Variants in GEN1 observed in about 807,000 individuals in gnomAD.
GEN1 encodes GEN1 structure-specific endonuclease, also known as flap endonuclease GEN homolog 1.
In GEN1, 64 loss-of-function variants were observed where a neutral mutation model predicts 67.6. The observed-to-expected ratio is 0.95, with a 90% CI of 0.77 to 1.17. The LOEUF (loss-of-function observed/expected upper bound fraction) is 1.17, where lower values mean the gene tolerates loss of function less well. Among genes scored for constraint, GEN1 ranks in the 50% most tolerant of loss-of-function variants. The pLI, the probability that GEN1 is intolerant of heterozygous loss-of-function variation, is 0.00. For synonymous variants in GEN1, 371 were observed against 359.4 expected (o/e 1.03, Z -0.37); for missense variants, 1,058 against 1,048.3 (o/e 1.01, Z -0.13).
intron 1 of GEN1, among the ~76,000 whole-genome samples, chr2:17,757,780 A>G (rs1671497804): frequency 6.6e-6 from 1 of 152,234 alleles, no homozygotes. Flanking sequence ...TTGTCACTTA[A>G]TATTTAGCCA....
intron 1 of GEN1, 106 bp from the exon 2 acceptor site, chr2:17,759,823 A>C: frequency 2.2e-6 from 2 of 912,694 alleles, no homozygotes. Flanking sequence ...AATAAGGAAT[A>C]TCCTCTATGA....
intron 1 of GEN1, 21 bp from the exon 2 acceptor site, chr2:17,759,908 A>C: frequency 6.2e-7 from 1 of 1,602,110 alleles, no homozygotes; most frequent in East Asian, 2.2e-5. Context: ...AATATTTTGT[A>C]AAGTGTGTTT....
Position 17,781,307 on chromosome 2 carries a change from T to C in GEN1, c.2095T>C (p.Ser699Pro). ...LQPDVNLKTL[S>P]ILSVKESCIA... is the part of the protein sequence containing the mutation. ...ACCAGATGTCAACCTGAAAACTTTG[T>C]CCATACTTAGTGTAAAAGAATCTTG... Residue 699 changes from serine (S) to proline (P), a missense_variant, in exon 14 of 14, where the codon TCC (serine) becomes CCC (proline). Physicochemically the swap from Ser to Pro is moderately conservative, Grantham distance 74. Transcript: ENST00000381254. The C allele has an allele frequency of 6.2e-7, 1 of 1,613,824 alleles. No individual in the cohort carries two copies. Among genetic ancestry groups the C allele is most frequent in the Non-Finnish European group, 8.5e-7 (1 of 1,179,760 alleles).
Position 17,779,974 on chromosome 2 carries a change from T to G in GEN1, c.1265-4T>G. The G allele has an allele frequency of 6.3e-7, 1 of 1,596,568 alleles. No homozygotes were observed. The highest frequency in any genetic ancestry group is 8.6e-7 in the Non-Finnish European group (1 of 1,167,374). ...GACACTTTGCTGTATTTTTAATCTTTTAGAACATTATGCTATGGAAGATAA... is the reference window on the plus strand; with the variant it reads ...GACACTTTGCTGTATTTTTAATCTTGTAGAACATTATGCTATGGAAGATAA... On this transcript the variant is annotated splice_polypyrimidine_tract_variant and splice_region_variant and intron_variant, in intron 12 of 13. Transcript: ENST00000381254.
Position 17,764,998 on chromosome 2 carries a change from C to T in GEN1, c.450C>T (p.Gly150=). The change falls in exon 4 of 14, where the codon GGC becomes GGT. Residue 150 remains glycine (G), a synonymous_variant. Transcript: ENST00000381254. The part of the protein sequence containing the change: ...AYLNAGGHVD[G]CLTNDGDTFL... ...TCAATGCTGGTGGTCATGTCGATGG[C>T]TGCCTCACCAATGATGGAGATACTT... 6.2e-7 allele frequency: 1 copy of T among 1,614,138 alleles called. No individual in the cohort carries two copies. Among genetic ancestry groups the T allele is most frequent in the East Asian group, 2.2e-5 (1 of 44,882 alleles).
Position 17,764,686 on chromosome 2 carries a change from T to C in GEN1, c.349-211T>C, listed in dbSNP as rs546248054. ...AGAAACATAACCACAATATAATTTT[T>C]ATTAGCACACGTAAAAGTTTGGCAG... On this transcript the variant is annotated intron_variant, in intron 3 of 13. Coordinates refer to ENST00000381254, the MANE Select transcript of GEN1 (RefSeq NM_001130009.3). 5.9e-5 allele frequency among the ~76,000 whole-genome samples: 9 copies of C among 152,320 alleles called. No individual in the cohort carries two copies. In the East Asian group the frequency reaches 1.7e-3, roughly 29 times the overall value.
In GEN1 at chr2:17,780,970, C is replaced by T; in HGVS notation, c.1758C>T (p.Ser586=). The T allele has an allele frequency of 2.5e-6, 4 of 1,613,298 alleles. No homozygotes were observed. The highest frequency in any genetic ancestry group is 3.4e-6 in the Non-Finnish European group (4 of 1,179,350). The part of the protein sequence containing the change: ...NISVIADLHL[S]TIDWEGTSFS... Reference sequence around the variant, plus strand: ...CCGTGATTGCTGATCTACACTTGAGCACTATTGACTGGGAAGGTACTTCTT... The same window carrying T: ...CCGTGATTGCTGATCTACACTTGAGTACTATTGACTGGGAAGGTACTTCTT... The change falls in exon 14 of 14, where the codon AGC becomes AGT. Residue 586 remains serine (S), a synonymous_variant. Transcript: ENST00000381254.
In GEN1 at chr2:17,782,591, G is replaced by A. The variant is rs878935446; in HGVS notation, c.*652G>A. On this transcript the variant is annotated 3_prime_UTR_variant, in exon 14 of 14. Coordinates refer to ENST00000381254, the MANE Select transcript of GEN1 (RefSeq NM_001130009.3). The stretch of plus-strand genomic sequence containing the variant: ...AGTATGTTTAGTAAAAATCATGCTC[G>A]TAATGGCTGAATAAACTGAGCAAAG... 9 of 152,112 alleles carry A rather than the reference G, an allele frequency of 5.9e-5. No homozygotes were observed. Among genetic ancestry groups the A allele is most frequent in the African/African-American group, 1.7e-4 (7 of 41,402 alleles). 9.4% of individuals were successfully genotyped at this position (152,112 alleles called of 1,614,324 possible). A position where few individuals can be genotyped will look rare whatever the true frequency, so the allele number is the denominator to read the frequency against.
Position 17,774,266 on chromosome 2 carries a change from T to G in GEN1, c.1072-5T>G, listed in dbSNP as rs1254095053. The G allele has an allele frequency of 2.0e-6, 3 of 1,499,338 alleles. No homozygotes were observed. Among genetic ancestry groups the G allele is most frequent in the Admixed American group, 2.0e-5 (1 of 50,636 alleles). The allele number at this position is 1,499,338 out of a possible 1,614,324, so 92.9% of individuals were successfully genotyped here. A position where few individuals can be genotyped will look rare whatever the true frequency, so the allele number is the denominator to read the frequency against. ...AATCTTGTTTTATTTTTATTATATT[T>G]ATAGAGATTTACTCTTGAAAAAATG... On this transcript the variant is annotated splice_region_variant and splice_polypyrimidine_tract_variant and intron_variant, in intron 10 of 13. Coordinates refer to ENST00000381254, the MANE Select transcript of GEN1 (RefSeq NM_001130009.3).
In GEN1 at chr2:17,785,416, G is replaced by A; in HGVS notation, c.*3477G>A. On this transcript the variant is annotated 3_prime_UTR_variant, in exon 14 of 14. Transcript: ENST00000381254. ...TATTTGCTCATCACTTCATTGTCTT[G>A]TTGAGGATGCCTTGCTTCCCTTTGA... is the stretch of plus-strand genomic sequence containing the variant. The A allele has an allele frequency of 6.6e-6, 1 of 152,112 alleles. No homozygotes were observed. The allele number at this position is 152,112 out of a possible 1,614,324, so 9.4% of individuals were successfully genotyped here. A position where few individuals can be genotyped will look rare whatever the true frequency, so the allele number is the denominator to read the frequency against.
chr2:17,778,257 CATATGTGTGT>C lies in GEN1; in HGVS notation c.1264+196_1264+205del, dbSNP rs1471608009. Reference sequence around the variant, plus strand: ...ATGTGTGTACATATATGTATACACACATATGTGTGTACATATATGTATATACACACACATG... The same window carrying C: ...ATGTGTGTACATATATGTATACACACACATATATGTATATACACACACATG... On this transcript the variant is annotated intron_variant, in intron 12 of 13. Transcript: ENST00000381254. Among the ~76,000 whole-genome samples, 4,824 of 38,122 alleles carry C rather than the reference CATATGTGTGT, an allele frequency of 0.13. 1,196 individuals are homozygous for C. Among genetic ancestry groups the C allele is most frequent in the East Asian group, 0.4 (78 of 196 alleles). The allele number at this position is 38,122 out of a possible 152,430, so 25.0% of individuals were successfully genotyped here.
rs1553331041 is a variant in GEN1, at chr2:17,778,191, C to CACACATATGTGTATATATATGTAT, written c.1264+133_1264+134insTATGTGTATATATATGTATACACA. 0.066 allele frequency: 26,611 copies of CACACATATGTGTATATATATGTAT among 403,544 alleles called. 6,849 individuals carry two copies. Among genetic ancestry groups the CACACATATGTGTATATATATGTAT allele is most frequent in the East Asian group, 0.51 (11,071 of 21,796 alleles). The allele number at this position is 403,544 out of a possible 1,614,324, so 25.0% of individuals were successfully genotyped here. On this transcript the variant is annotated intron_variant, in intron 12 of 13. Transcript: ENST00000381254. ...AGATATGTGTATATATATATATACA[C>CACACATATGTGTATATATATGTAT]ACACACATATATGTGTATATATATG... is the stretch of plus-strand genomic sequence containing the variant.
At chr2:17,777,955 C>A in intron 11 of GEN1, 47 bp from the exon 12 acceptor site, 5 of 1,099,460 alleles carry the variant, frequency 4.5e-6, no homozygotes, top group Non-Finnish European at 6.9e-6. Context: ...GGAAAATTTC[C>A]AAATATCTTA....
At position 17,781,757 on chromosome 2, in the gene GEN1, GA is replaced by G; in HGVS notation, c.2548del (p.Thr850LeufsTer26). On this transcript the variant is annotated frameshift_variant, in exon 14 of 14. Transcript: ENST00000381254. LOFTEE classifies it low-confidence loss of function (END_TRUNC). ...KLSSPKIHIK[E>X]TEQCVRSYET... ...GAGTAGCCCTAAGATACATATTAAAGAAACTGAACAGTGTGTCAGATCTTAT... is the reference window on the plus strand; with the variant it reads ...GAGTAGCCCTAAGATACATATTAAAGAACTGAACAGTGTGTCAGATCTTAT... 6.2e-7 allele frequency: 1 copy of G among 1,613,102 alleles called. No homozygotes were observed. Among genetic ancestry groups the G allele is most frequent in the Non-Finnish European group, 8.5e-7 (1 of 1,179,604 alleles).
chr2:17,778,187 T>G, intron 12 of GEN1, 124 bp downstream of exon 12: 1 of 346,108 alleles, frequency 2.9e-6, no homozygotes, highest in Non-Finnish European at 5.3e-6. Context: ...TATATATATA[T>G]ACACACACAC....
rs1351612092 is a variant in GEN1 at position 17,787,248 on chromosome 2, T to C, written c.*5309T>C. On this transcript the variant is annotated 3_prime_UTR_variant, in exon 14 of 14. Transcript: ENST00000381254. ...CACATTCATTCATTCGTTCCACAAATATTAGCTGATGCCTGCCGTGTAGGA... is the reference window on the plus strand; with the variant it reads ...CACATTCATTCATTCGTTCCACAAACATTAGCTGATGCCTGCCGTGTAGGA... The C allele has an allele frequency of 6.6e-6, 1 of 152,254 alleles. No homozygotes were observed. The highest frequency in any genetic ancestry group is 1.9e-4 in the East Asian group (1 of 5,202). 9.4% of individuals were successfully genotyped at this position (152,254 alleles called of 1,614,324 possible). A position where few individuals can be genotyped will look rare whatever the true frequency, so the allele number is the denominator to read the frequency against.
At chr2:17,778,311 TATACAC>T (rs1558409251) in intron 12 of GEN1, among the ~76,000 whole-genome samples, 1 of 44,936 alleles carries the variant, frequency 2.2e-5, no homozygotes, top group Non-Finnish European at 4.4e-5. Flanking sequence ...CATATATGTA[TATACAC>T]ACACACGTGT....
At position 17,787,424 on chromosome 2, in the gene GEN1, G is replaced by A. The variant is rs543091335; in HGVS notation, c.*5485G>A. ...TCTGCCTCACCAACTCTTACCCATC[G>A]AGATTCAGTGTAAACGTGGTCTTCT... is the stretch of plus-strand genomic sequence containing the variant. On this transcript the variant is annotated 3_prime_UTR_variant, in exon 14 of 14. Transcript: ENST00000381254. 6.6e-6 allele frequency: 1 copy of A among 152,230 alleles called. No individual in the cohort carries two copies. The highest frequency in any genetic ancestry group is 1.9e-4 in the East Asian group (1 of 5,178). The allele number at this position is 152,230 out of a possible 1,614,324, so 9.4% of individuals were successfully genotyped here.
chr2:17,759,804 G>C, intron 1 of GEN1, 125 bp from the exon 2 acceptor site: 1 of 741,694 alleles, frequency 1.3e-6, no homozygotes, highest in South Asian at 2.7e-5. Context: ...AACGCTGACT[G>C]ATGAAAAAAA....
Sources: gnomAD v4.1 joint callset for allele counts (sites outside exome capture counted in the v4.1 genomes callset) on GRCh38, gnomAD v4.1.1 for gene constraint, MANE v1.5 for transcripts, NCBI Gene and HGNC (gene_info 2026-07-23, HGNC 2026-07-21) for gene names.